VSIG10: variants seen among roughly 807,000 people sequenced by gnomAD.
VSIG10 encodes V-set and immunoglobulin domain containing 10.
In VSIG10, 48 loss-of-function variants were observed where a neutral mutation model predicts 58.7. That is an observed-to-expected ratio of 0.82 (90% CI 0.65 to 1.04). The LOEUF is 1.04. VSIG10 is among the 50% of genes least tolerant of loss of function. VSIG10 has a pLI of 0.00. For missense variants in VSIG10, 628 were observed against 670.0 expected (o/e 0.94, Z 0.69); for synonymous variants, 260 against 267.1 (o/e 0.97, Z 0.26).
chr12:118,096,997 C>T (rs956489975), intron 1 of VSIG10, among the ~76,000 whole-genome samples: 9 of 152,138 alleles, frequency 5.9e-5, no homozygotes, highest in African/African-American at 1.9e-4. Flanking sequence ...CGAGATTGCG[C>T]CACTGTACTC....
At chr12:118,094,355 C>G (rs2033383343) in intron 2 of VSIG10, among the ~76,000 whole-genome samples, 1 of 152,056 alleles carries the variant, frequency 6.6e-6, no homozygotes, top group South Asian at 2.1e-4. Flanking sequence ...TATTAATATG[C>G]CAGGAGCCTT....
Position 118,073,030 on chromosome 12 carries a change from C to T in VSIG10, c.1219+669G>A, listed in dbSNP as rs151087679. Reference sequence around the variant, plus strand: ...TCGCTCTGTCACCCAAGCTGAAGTGCAGTGGTGTGATCTCGGCTCACTGCA... The same window carrying T: ...TCGCTCTGTCACCCAAGCTGAAGTGTAGTGGTGTGATCTCGGCTCACTGCA... On this transcript the variant is annotated intron_variant, in intron 5 of 8. Coordinates refer to ENST00000359236, the MANE Select transcript of VSIG10 (RefSeq NM_019086.6). Among the ~76,000 whole-genome samples the T allele has an allele frequency of 5.9e-3, 904 of 152,272 alleles. 8 individuals are homozygous for T. Among genetic ancestry groups the T allele is most frequent in the African/African-American group, 0.02 (845 of 41,536 alleles).
At position 118,064,611 on chromosome 12, in the gene VSIG10, C is replaced by T. The variant is rs2032187157; in HGVS notation, c.*2028G>A. On this transcript the variant is annotated 3_prime_UTR_variant, in exon 9 of 9. Transcript: ENST00000359236. Reference sequence around the variant, plus strand: ...CTGAGTATCTCATTCTAAAATGACACTGATTTACACTGTTGAGAATGGTTA... The same window carrying T: ...CTGAGTATCTCATTCTAAAATGACATTGATTTACACTGTTGAGAATGGTTA... 6.6e-6 allele frequency: 1 copy of T among 152,096 alleles called. No individual in the cohort carries two copies. Among genetic ancestry groups the T allele is most frequent in the African/African-American group, 2.4e-5 (1 of 41,396 alleles). The allele number at this position is 152,096 out of a possible 1,614,324, so 9.4% of individuals were successfully genotyped here.
intron 4 of VSIG10, among the ~76,000 whole-genome samples, chr12:118,077,771 C>G (rs1196100376): frequency 1.3e-5 from 2 of 152,116 alleles, no homozygotes; most frequent in African/African-American, 4.8e-5. Context: ...ATGGAGAATC[C>G]CACATGGAGA....
intron 8 of VSIG10, 74 bp downstream of exon 8, chr12:118,068,303 G>A (rs1215183627): frequency 1.3e-6 from 2 of 1,500,852 alleles, no homozygotes; most frequent in East Asian, 2.3e-5. Flanking sequence ...CCAAAGTGCT[G>A]GGATTATAGG....
chr12:118,082,204 T>C lies in VSIG10; in HGVS notation c.587A>G (p.Gln196Arg), dbSNP rs74319305. 6.2e-7 allele frequency: 1 copy of C among 1,613,704 alleles called. No individual in the cohort carries two copies. Among genetic ancestry groups the C allele is most frequent in the Admixed American group, 1.7e-5 (1 of 59,958 alleles). Reference protein sequence around the residue: ...FSLLLISPNLQGNYTCLALNQ... With the variant: ...FSLLLISPNLRGNYTCLALNQ... ...CAAGGCTAAACAGGTGTAGTTCCCT[T>C]GGAGGTTTGGCGATATCAGTAACAG... is the stretch of plus-strand genomic sequence containing the variant. The change falls in exon 3 of 9, where the codon CAA (glutamine) becomes CGA (arginine). Residue 196 changes from glutamine (Q) to arginine (R), a missense_variant. By Grantham distance (43) the Gln-to-Arg change is conservative (BLOSUM62 1). Transcript: ENST00000359236.
chr12:118,093,379 T>A (rs565894292), intron 2 of VSIG10, among the ~76,000 whole-genome samples: 5 of 152,050 alleles, frequency 3.3e-5, no homozygotes, highest in African/African-American at 9.6e-5. Context: ...ATTCTTTTTT[T>A]AATAATTTTT....
intron 4 of VSIG10, among the ~76,000 whole-genome samples, chr12:118,078,083 T>C (rs1446058751): frequency 2.0e-5 from 3 of 152,176 alleles, no homozygotes; most frequent in Admixed American, 2.0e-4. Context: ...GTGTTGGAGG[T>C]AAGGCCTAAT....
chr12:118,088,771 G>T (rs2033207872), intron 2 of VSIG10, among the ~76,000 whole-genome samples: 1 of 151,984 alleles, frequency 6.6e-6, no homozygotes. Context: ...TGAATCAAAG[G>T]GTATCTGTGT....
chr12:118,096,238 C>G (rs999156283), intron 1 of VSIG10, among the ~76,000 whole-genome samples: 1 of 151,390 alleles, frequency 6.6e-6, no homozygotes, highest in African/African-American at 2.4e-5. Context: ...GTCAAGACAT[C>G]GAGACCATCC....
At chr12:118,080,455 C>A (rs980850406) in intron 3 of VSIG10, among the ~76,000 whole-genome samples, 1 of 152,148 alleles carries the variant, frequency 6.6e-6, no homozygotes, top group African/African-American at 2.4e-5. Context: ...CCACCGCGCT[C>A]AGCCCCACTC....
chr12:118,088,640 C>T (rs369298164), intron 2 of VSIG10, among the ~76,000 whole-genome samples: 23 of 152,300 alleles, frequency 1.5e-4, no homozygotes, highest in Middle Eastern at 6.8e-3. Flanking sequence ...GTCACGCCCT[C>T]CCCGCTGGCC....
chr12:118,068,329 C>T, intron 8 of VSIG10, 48 bp downstream of exon 8: 1 of 1,596,140 alleles, frequency 6.3e-7, no homozygotes, highest in Non-Finnish European at 8.5e-7. Context: ...GCCAACGCGC[C>T]TTTTTTTGTT....
In VSIG10 at chr12:118,095,691, G is replaced by A. The variant is rs772566471; in HGVS notation, c.203C>T (p.Ser68Leu). 15 of 1,613,942 alleles carry A rather than the reference G, an allele frequency of 9.3e-6. No homozygotes were observed. Among genetic ancestry groups the A allele is most frequent in the East Asian group, 6.7e-5 (3 of 44,854 alleles). ...AGCTGGCCGGAGGCTAGAGTTGGAC[G>A]AGAGAAGGAAGACAGGCTCCGAGTT... ...RNNSEPVFLL[S>L]SNSSLRPAEP... The change falls in exon 2 of 9, where the codon TCG (serine) becomes TTG (leucine). Residue 68 changes from serine to leucine, a missense_variant. Transcript: ENST00000359236.
At chr12:118,088,106 G>A (rs373597096) in intron 2 of VSIG10, among the ~76,000 whole-genome samples, 3 of 152,024 alleles carry the variant, frequency 2.0e-5, no homozygotes, top group Admixed American at 1.3e-4. Context: ...TTAGCCAGGC[G>A]TGGTGGCGCA....
At chr12:118,086,146 G>A (rs1441245765) in intron 2 of VSIG10, among the ~76,000 whole-genome samples, 1 of 143,378 alleles carries the variant, frequency 7.0e-6, no homozygotes, top group African/African-American at 2.5e-5. Context: ...CAACAAGAGC[G>A]AAACTTTGTC....
At chr12:118,075,783 A>G (rs979511938) in intron 4 of VSIG10, among the ~76,000 whole-genome samples, 11 of 152,344 alleles carry the variant, frequency 7.2e-5, no homozygotes, top group Non-Finnish European at 1.3e-4. Context: ...CCCTGTTATT[A>G]TGCCCATTTT....
intron 5 of VSIG10, among the ~76,000 whole-genome samples, chr12:118,071,843 C>T (rs2032507822): frequency 6.6e-6 from 1 of 152,214 alleles, no homozygotes; most frequent in South Asian, 2.1e-4. Context: ...TGATATATGA[C>T]AGGGTCTTGA....
chr12:118,076,512 G>A (rs986546430), intron 4 of VSIG10, among the ~76,000 whole-genome samples: 2 of 152,018 alleles, frequency 1.3e-5, no homozygotes, highest in African/African-American at 4.8e-5. Flanking sequence ...GGGACACAGA[G>A]CCAAACCATA....
Sources: gnomAD v4.1 joint callset for allele counts (sites outside exome capture counted in the v4.1 genomes callset) on GRCh38, gnomAD v4.1.1 for gene constraint, MANE v1.5 for transcripts, NCBI Gene and HGNC (gene_info 2026-07-23, HGNC 2026-07-21) for gene names.